The following TCF12 variants were observed in gnomAD, a reference collection of about 807,000 sequenced individuals.
The protein encoded by TCF12 is transcription factor 12, also known as DNA-binding protein HTF4.
In TCF12, 45 loss-of-function variants were observed where a neutral mutation model predicts 86.0. The ratio of observed to expected loss-of-function variants is 0.52; its 90% confidence interval spans 0.41 to 0.67. TCF12 has a LOEUF of 0.67. Ranked by LOEUF, TCF12 falls within the 30% of genes least tolerant of loss-of-function variation. TCF12 has a pLI of 0.00. For missense variants in TCF12, 881 were observed against 859.9 expected (o/e 1.02, Z -0.31); for synonymous variants, 330 against 299.6 (o/e 1.10, Z -1.05).
chr15:56,991,391 GA>G (rs1464600409), intron 3 of TCF12, among the ~76,000 whole-genome samples: 1 of 152,172 alleles, frequency 6.6e-6, no homozygotes, highest in Non-Finnish European at 1.5e-5. Flanking sequence ...GGAAAAAGTG[GA>G]ATATTGAATT....
At chr15:57,229,490 G>A (rs1264809810) in intron 8 of TCF12, among the ~76,000 whole-genome samples, 1 of 135,228 alleles carries the variant, frequency 7.4e-6, no homozygotes, top group East Asian at 2.1e-4. Flanking sequence ...AAACAAACCT[G>A]AATGCCAGTC....
At chr15:56,951,444 A>G (rs2061271507) in intron 3 of TCF12, among the ~76,000 whole-genome samples, 1 of 152,142 alleles carries the variant, frequency 6.6e-6, no homozygotes, top group Non-Finnish European at 1.5e-5. Flanking sequence ...TTCTGGGTAC[A>G]AGTCCTTTAC....
intron 7 of TCF12, among the ~76,000 whole-genome samples, chr15:57,197,458 G>A (rs944106070): frequency 5.3e-5 from 8 of 151,952 alleles, no homozygotes; most frequent in African/African-American, 1.7e-4. Flanking sequence ...ACATCCGGCC[G>A]AACAGTTTCT....
chr15:57,195,904 C>T (rs1212894032), intron 7 of TCF12, among the ~76,000 whole-genome samples: 1 of 152,036 alleles, frequency 6.6e-6, no homozygotes, highest in Non-Finnish European at 1.5e-5. Flanking sequence ...CTCAGGAGAC[C>T]AAGGCAGGGG....
At chr15:57,227,306 A>G (rs1439650695) in intron 8 of TCF12, among the ~76,000 whole-genome samples, 1 of 152,134 alleles carries the variant, frequency 6.6e-6, no homozygotes, top group Non-Finnish European at 1.5e-5. Context: ...ATTACAGGAA[A>G]GATGTATTGA....
intron 13 of TCF12, chr15:57,246,900 T>A (rs1484745569): frequency 2.1e-5 from 10 of 478,218 alleles, no homozygotes; most frequent in Non-Finnish European, 4.1e-5. Context: ...AACCTACAGC[T>A]TTCCTGACAA....
chr15:57,180,046 A>T (rs2056228730), intron 6 of TCF12, among the ~76,000 whole-genome samples: 1 of 152,228 alleles, frequency 6.6e-6, no homozygotes, highest in Non-Finnish European at 1.5e-5. Flanking sequence ...CAACATGCTG[A>T]TAATTGCTAA....
chr15:57,189,959 A>G (rs1196574757), intron 6 of TCF12, among the ~76,000 whole-genome samples: 2 of 152,220 alleles, frequency 1.3e-5, no homozygotes, highest in Non-Finnish European at 2.9e-5. Flanking sequence ...AAAACATTCT[A>G]AATGTGAGAA....
At chr15:57,213,942 C>CA (rs1173820621) in intron 8 of TCF12, 2 of 152,208 alleles carry the variant, frequency 1.3e-5, no homozygotes, top group Non-Finnish European at 2.9e-5. Context: ...GGGTCATCCT[C>CA]ATTGTTTTTT....
intron 13 of TCF12, chr15:57,246,833 C>T (rs2059886032): frequency 8.6e-6 from 3 of 347,696 alleles, no homozygotes; most frequent in Non-Finnish European, 1.7e-5. Flanking sequence ...ATCATTGTTC[C>T]TTCTGTGGCA....
chr15:57,111,609 T>A (rs931072479), intron 5 of TCF12, among the ~76,000 whole-genome samples: 2 of 145,920 alleles, frequency 1.4e-5, no homozygotes, highest in African/African-American at 5.2e-5. Context: ...TTTTTTTTTT[T>A]AAGATAGGGT....
chr15:57,064,766 A>G (rs1313539895), intron 4 of TCF12, among the ~76,000 whole-genome samples: 4 of 137,778 alleles, frequency 2.9e-5, no homozygotes, highest in African/African-American at 1.1e-4. Context: ...ACTGGACTCA[A>G]GCCTGGGCCA....
At chr15:56,951,566 G>A (rs2061277473) in intron 3 of TCF12, among the ~76,000 whole-genome samples, 1 of 152,136 alleles carries the variant, frequency 6.6e-6, no homozygotes, top group Non-Finnish European at 1.5e-5. Context: ...AGTTTATCAG[G>A]TTATTCTTTT....
intron 3 of TCF12, among the ~76,000 whole-genome samples, chr15:56,944,509 A>G (rs1332308327): frequency 6.6e-6 from 1 of 152,196 alleles, no homozygotes; most frequent in African/African-American, 2.4e-5. Flanking sequence ...AGTGGCCTTT[A>G]TTTTGTATAT....
At chr15:56,993,667 G>C (rs1453492870) in intron 3 of TCF12, among the ~76,000 whole-genome samples, 1 of 152,182 alleles carries the variant, frequency 6.6e-6, no homozygotes, top group Non-Finnish European at 1.5e-5. Flanking sequence ...GACAAATTCA[G>C]ATGGCACAGC....
At chr15:57,163,972 AC>A (rs1397870999) in intron 5 of TCF12, among the ~76,000 whole-genome samples, 1 of 152,168 alleles carries the variant, frequency 6.6e-6, no homozygotes, top group Non-Finnish European at 1.5e-5. Flanking sequence ...ATTTCAGAGA[AC>A]AACTTCATTC....
chr15:57,072,728 A>G lies in TCF12; in HGVS notation c.222+8905A>G, dbSNP rs762228580. On this transcript the variant is annotated intron_variant, in intron 4 of 20. Transcript: ENST00000333725. ...CAGAGAATTAAAGTAAGTGTTTTCT[A>G]TATATTGCATCTGTGTTCCCATTAA... The G allele has an allele frequency of 4.2e-5, 55 of 1,295,204 alleles. 1 individual carries two copies. In the South Asian group the frequency reaches 5.7e-4, roughly 13 times the overall value. The allele number at this position is 1,295,204 out of a possible 1,614,324, so 80.2% of individuals were successfully genotyped here. A position where few individuals can be genotyped will look rare whatever the true frequency, so the allele number is the denominator to read the frequency against.
chr15:57,282,683 C>T (rs1330209548), intron 20 of TCF12, 85 bp downstream of exon 20: 2 of 1,484,558 alleles, frequency 1.3e-6, no homozygotes, highest in African/African-American at 1.4e-5. Flanking sequence ...ACAGAATTCT[C>T]TAGTGAGCAG....
At chr15:57,037,428 C>G (rs1275812677) in intron 3 of TCF12, among the ~76,000 whole-genome samples, 2 of 136,398 alleles carry the variant, frequency 1.5e-5, no homozygotes, top group African/African-American at 6.4e-5. Context: ...GTGACAAGAG[C>G]TCAAAAAAAC....
Sources: gnomAD v4.1 joint callset for allele counts (sites outside exome capture counted in the v4.1 genomes callset) on GRCh38, gnomAD v4.1.1 for gene constraint, MANE v1.5 for transcripts, NCBI Gene and HGNC (gene_info 2026-07-23, HGNC 2026-07-21) for gene names.